The following CEP70 variants were observed in gnomAD, a reference collection of about 807,000 sequenced individuals.
The protein encoded by CEP70 is centrosomal protein 70, also known as centrosomal protein of 70 kDa.
CEP70 carries 70 observed loss-of-function variants against 90.9 expected under a neutral mutation model. The ratio of observed to expected loss-of-function variants is 0.77; its 90% confidence interval spans 0.64 to 0.94. The LOEUF (loss-of-function observed/expected upper bound fraction) is 0.94. CEP70 is among the 40% of genes least tolerant of loss of function. The probability of loss-of-function intolerance (pLI) is 0.00; values close to 1 mark genes in which losing one functional copy is unlikely to be tolerated. For missense variants in CEP70, 648 were observed against 669.0 expected (o/e 0.97, Z 0.35); for synonymous variants, 220 against 228.3 (o/e 0.96, Z 0.33).
At chr3:138,509,482 G>A (rs1279738192) in intron 11 of CEP70, among the ~76,000 whole-genome samples, 1 of 152,128 alleles carries the variant, frequency 6.6e-6, no homozygotes, top group African/African-American at 2.4e-5. Context: ...ATGTATAAGT[G>A]TATCCACCTA....
intron 16 of CEP70, chr3:138,499,782 CT>C (rs1246102772): frequency 5.9e-5 from 7 of 118,746 alleles, no homozygotes; most frequent in African/African-American, 2.3e-4. Flanking sequence ...ATCTCTCTCT[CT>C]ACACACACAC....
chr3:138,572,024 C>A (rs140148761), intron 3 of CEP70, among the ~76,000 whole-genome samples: 1 of 152,048 alleles, frequency 6.6e-6, no homozygotes, highest in East Asian at 1.9e-4. Context: ...GTGATCCACC[C>A]GCCCTGGCCT....
At chr3:138,572,620 A>G (rs1253910476) in intron 3 of CEP70, among the ~76,000 whole-genome samples, 2 of 152,248 alleles carry the variant, frequency 1.3e-5, no homozygotes, top group Non-Finnish European at 2.9e-5. Context: ...ACACTAGTCT[A>G]ATGAAATGTT....
At chr3:138,557,712 A>G (rs78362312) in intron 6 of CEP70, among the ~76,000 whole-genome samples, 2 of 152,280 alleles carry the variant, frequency 1.3e-5, no homozygotes, top group East Asian at 3.9e-4. Context: ...GGTTCAGTGT[A>G]TACTGCTTGG....
At chr3:138,576,037 C>T (rs1050534990) in intron 2 of CEP70, among the ~76,000 whole-genome samples, 2 of 152,164 alleles carry the variant, frequency 1.3e-5, no homozygotes, top group African/African-American at 2.4e-5. Context: ...GAAGAAATTG[C>T]ATCAACTAAT....
intron 7 of CEP70, among the ~76,000 whole-genome samples, chr3:138,534,252 T>C (rs1243569974): frequency 6.6e-6 from 1 of 152,222 alleles, no homozygotes; most frequent in Non-Finnish European, 1.5e-5. Context: ...ATTCAGCCAA[T>C]TGTGCTCTTA....
In CEP70 at chr3:138,523,479, T is replaced by C. The variant is rs535765492; in HGVS notation, c.944+2011A>G. Among the ~76,000 whole-genome samples, 866 of 152,170 alleles carry C rather than the reference T, an allele frequency of 5.7e-3. 13 individuals carry two copies. Among genetic ancestry groups the C allele is most frequent in the African/African-American group, 0.019 (809 of 41,516 alleles). On this transcript the variant is annotated intron_variant, in intron 11 of 17. Coordinates refer to ENST00000264982, the MANE Select transcript of CEP70 (RefSeq NM_024491.4). ...ATGATTGTATATCTAGAAAACCCCA[T>C]TGTCTCAGCCCAAAATCTCCTTAAG...
intron 16 of CEP70, chr3:138,499,854 A>C (rs1232865549): frequency 5.6e-6 from 2 of 360,096 alleles, no homozygotes; most frequent in Non-Finnish European, 5.2e-6. Context: ...CACACACACA[A>C]AAGATGCTAT....
At chr3:138,541,676 G>GA (rs2038780263) in intron 6 of CEP70, among the ~76,000 whole-genome samples, 1 of 152,198 alleles carries the variant, frequency 6.6e-6, no homozygotes. Context: ...TAATATAATT[G>GA]TGGTGTGTAA....
At chr3:138,578,584 A>G (rs2041679597) in intron 2 of CEP70, among the ~76,000 whole-genome samples, 2 of 151,876 alleles carry the variant, frequency 1.3e-5, no homozygotes. Flanking sequence ...TAGGGATAAG[A>G]GAGAAGGGAA....
intron 6 of CEP70, among the ~76,000 whole-genome samples, chr3:138,551,754 A>T (rs886276018): frequency 9.5e-5 from 13 of 136,920 alleles, no homozygotes; most frequent in African/African-American, 3.5e-4. Flanking sequence ...CTAAAAAAAA[A>T]AAAATAAAAT....
rs117087055 is a variant in CEP70, at chr3:138,545,948, C to T, written c.466-8601G>A. Among the ~76,000 whole-genome samples the T allele has an allele frequency of 4.2e-4, 64 of 152,238 alleles. 1 individual carries two copies. In the East Asian group the frequency reaches 0.012, roughly 28 times the overall value. ...CAATATGTGCACAGCTGAACACAGA[C>T]CATCATTAGTAATACTAATTTTGCC... is the stretch of plus-strand genomic sequence containing the variant. On this transcript the variant is annotated intron_variant, in intron 6 of 17. Coordinates refer to ENST00000264982, the MANE Select transcript of CEP70 (RefSeq NM_024491.4).
chr3:138,573,219 T>C (rs918595217), intron 2 of CEP70, among the ~76,000 whole-genome samples: 1 of 151,928 alleles, frequency 6.6e-6, no homozygotes. Context: ...CTGTCCTGTC[T>C]AACCCCCCAC....
intron 6 of CEP70, among the ~76,000 whole-genome samples, chr3:138,555,861 C>T (rs997640062): frequency 1.3e-5 from 2 of 152,192 alleles, no homozygotes; most frequent in African/African-American, 4.8e-5. Flanking sequence ...TGTGGAGATT[C>T]ATTAAAGAAC....
At chr3:138,591,645 TTGG>T (rs1338284399) in intron 2 of CEP70, among the ~76,000 whole-genome samples, 1 of 152,120 alleles carries the variant, frequency 6.6e-6, no homozygotes, top group Non-Finnish European at 1.5e-5. Context: ...GTGATTAGAG[TTGG>T]TGATCAGCTT....
intron 8 of CEP70, among the ~76,000 whole-genome samples, chr3:138,532,217 G>C (rs936202228): frequency 1.3e-5 from 2 of 151,924 alleles, no homozygotes; most frequent in African/African-American, 4.8e-5. Context: ...AACTACCCAG[G>C]GGCTAGATCA....
chr3:138,502,003 A>G (rs543520830), intron 13 of CEP70, among the ~76,000 whole-genome samples: 53 of 152,290 alleles, frequency 3.5e-4, no homozygotes, highest in African/African-American at 1.3e-3. Flanking sequence ...CTCAATCCAT[A>G]TGTGTATGGC....
At chr3:138,552,279 T>G (rs995512185) in intron 6 of CEP70, among the ~76,000 whole-genome samples, 1 of 151,656 alleles carries the variant, frequency 6.6e-6, no homozygotes. Flanking sequence ...AGACAGAAAA[T>G]CAACAAAGAA....
chr3:138,505,221 G>A (rs2108689450), intron 13 of CEP70, 74 bp downstream of exon 13: 1 of 1,174,308 alleles, frequency 8.5e-7, no homozygotes, highest in South Asian at 2.3e-5. Flanking sequence ...TTTTAGCCCT[G>A]AATTAAGTCC....
Sources: gnomAD v4.1 joint callset for allele counts (sites outside exome capture counted in the v4.1 genomes callset) on GRCh38, gnomAD v4.1.1 for gene constraint, MANE v1.5 for transcripts, NCBI Gene and HGNC (gene_info 2026-07-23, HGNC 2026-07-21) for gene names.